The following SYT16 variants were observed in gnomAD, a reference collection of about 807,000 sequenced individuals.
The protein encoded by SYT16 is synaptotagmin-16.
In SYT16, 42 loss-of-function variants were observed where a neutral mutation model predicts 61.4. That is an observed-to-expected ratio of 0.68 (90% CI 0.53 to 0.89). The LOEUF is 0.89. SYT16 is among the 40% of genes least tolerant of loss of function. The pLI, the probability that SYT16 is intolerant of heterozygous loss-of-function variation, is 0.00. For missense variants in SYT16, 804 were observed against 807.3 expected (o/e 1.00, Z 0.05); for synonymous variants, 314 against 302.3 (o/e 1.04, Z -0.40).
intron 1 of SYT16, among the ~76,000 whole-genome samples, chr14:61,861,613 C>G (rs548456925): frequency 2.6e-5 from 4 of 152,272 alleles, no homozygotes; most frequent in Admixed American, 2.6e-4. Context: ...GCATGTTGCC[C>G]AGGCTGGTCT....
intron 1 of SYT16, among the ~76,000 whole-genome samples, chr14:61,864,620 C>T (rs913176795): frequency 1.3e-5 from 2 of 152,262 alleles, no homozygotes; most frequent in South Asian, 2.1e-4. Flanking sequence ...CCTCGCTGCG[C>T]GGCCTCAATT....
chr14:61,951,488 A>AT, intron 1 of SYT16, among the ~76,000 whole-genome samples: 1 of 151,908 alleles, frequency 6.6e-6, no homozygotes, highest in Non-Finnish European at 1.5e-5. Context: ...GAGTTGAAAA[A>AT]TAAAGTTACA....
intron 3 of SYT16, among the ~76,000 whole-genome samples, chr14:62,066,381 A>G (rs568853344): frequency 1.3e-5 from 2 of 152,176 alleles, no homozygotes; most frequent in East Asian, 1.9e-4. Flanking sequence ...TCTCTGCCTC[A>G]GTTTTCTTGG....
intron 1 of SYT16, among the ~76,000 whole-genome samples, chr14:61,951,583 C>G (rs1328297396): frequency 6.6e-6 from 1 of 151,958 alleles, no homozygotes; most frequent in Non-Finnish European, 1.5e-5. Flanking sequence ...GTCTTTCTTC[C>G]AAGATTTTTT....
chr14:61,884,692 A>G (rs1228429605), intron 1 of SYT16, among the ~76,000 whole-genome samples: 3 of 152,214 alleles, frequency 2.0e-5, no homozygotes, highest in Non-Finnish European at 4.4e-5. Context: ...GGACAAGATT[A>G]ATAGGTGGGT....
At position 62,054,117 on chromosome 14, in the gene SYT16, T is replaced by C. The variant is rs955780660; in HGVS notation, c.524-15486T>C. Among the ~76,000 whole-genome samples the C allele has an allele frequency of 3.3e-5, 5 of 152,326 alleles. No individual in the cohort carries two copies. In the South Asian group the frequency reaches 1.0e-3, roughly 32 times the overall value. ...TATTACCTGCTTATTCTTGTCAGCA[T>C]GTGTGTGATAGCAGGCATCCACGGC... On this transcript the variant is annotated intron_variant, in intron 3 of 7. Coordinates refer to ENST00000683842, the MANE Select transcript of SYT16 (RefSeq NM_001367656.1).
intron 1 of SYT16, among the ~76,000 whole-genome samples, chr14:61,848,676 G>A (rs958033588): frequency 8.5e-5 from 13 of 152,164 alleles, no homozygotes; most frequent in African/African-American, 3.1e-4. Flanking sequence ...GAGTTTCCCT[G>A]AGCCATGGGA....
At chr14:61,829,131 GTTGTA>G (rs2045859444) in intron 1 of SYT16, among the ~76,000 whole-genome samples, 1 of 152,114 alleles carries the variant, frequency 6.6e-6, no homozygotes, top group South Asian at 2.1e-4. Context: ...ACTATTTAGT[GTTGTA>G]TTTTATGAGT....
At chr14:61,920,286 G>A (rs905644525) in intron 1 of SYT16, among the ~76,000 whole-genome samples, 1 of 152,008 alleles carries the variant, frequency 6.6e-6, no homozygotes, top group Non-Finnish European at 1.5e-5. Context: ...TAAGTCTTGG[G>A]ATACATGTGC....
At chr14:62,053,584 T>A (rs1020264912) in intron 3 of SYT16, among the ~76,000 whole-genome samples, 1 of 152,256 alleles carries the variant, frequency 6.6e-6, no homozygotes, top group East Asian at 1.9e-4. Flanking sequence ...ATTGTACTAA[T>A]TTTTAAATTC....
intron 1 of SYT16, among the ~76,000 whole-genome samples, chr14:61,866,902 G>T (rs916489478): frequency 6.6e-6 from 1 of 151,866 alleles, no homozygotes; most frequent in Non-Finnish European, 1.5e-5. Flanking sequence ...GTTACATTTA[G>T]ATCTGTGATG....
intron 3 of SYT16, among the ~76,000 whole-genome samples, chr14:62,027,683 C>G (rs1407728897): frequency 6.6e-6 from 1 of 152,142 alleles, no homozygotes; most frequent in Non-Finnish European, 1.5e-5. Context: ...GCACCAAGAC[C>G]TTGCATGTTT....
chr14:61,991,731 C>T (rs999012593), intron 2 of SYT16, among the ~76,000 whole-genome samples: 1 of 152,018 alleles, frequency 6.6e-6, no homozygotes, highest in African/African-American at 2.4e-5. Context: ...TGGTTATTGA[C>T]AAAAAAGTAC....
At chr14:62,073,383 G>A (rs1816116874) in intron 4 of SYT16, among the ~76,000 whole-genome samples, 1 of 152,192 alleles carries the variant, frequency 6.6e-6, no homozygotes. Context: ...GTTCGCATAT[G>A]TGAGGAATGG....
chr14:62,083,583 C>T (rs1276099476), intron 6 of SYT16, among the ~76,000 whole-genome samples: 1 of 152,056 alleles, frequency 6.6e-6, no homozygotes, highest in Non-Finnish European at 1.5e-5. Context: ...CATGTGTTGT[C>T]TTTTTTCTCA....
chr14:61,888,104 T>C (rs954869523), intron 1 of SYT16, among the ~76,000 whole-genome samples: 1 of 151,622 alleles, frequency 6.6e-6, no homozygotes, highest in Non-Finnish European at 1.5e-5. Flanking sequence ...GGTTATTAAT[T>C]GGCCTAATTT....
chr14:61,911,328 C>A (rs912748930), intron 1 of SYT16, among the ~76,000 whole-genome samples: 2 of 152,132 alleles, frequency 1.3e-5, no homozygotes, highest in African/African-American at 4.8e-5. Flanking sequence ...TAATGTTTGG[C>A]CCTGATTTAG....
chr14:62,024,836 G>T (rs1006308599), intron 3 of SYT16, among the ~76,000 whole-genome samples: 1 of 151,860 alleles, frequency 6.6e-6, no homozygotes, highest in Admixed American at 6.6e-5. Context: ...TCTTTTTACT[G>T]TTTCTATAAT....
At chr14:62,047,523 T>C (rs1264522409) in intron 3 of SYT16, among the ~76,000 whole-genome samples, 1 of 151,880 alleles carries the variant, frequency 6.6e-6, no homozygotes, top group Admixed American at 6.6e-5. Flanking sequence ...TGAATAGGAG[T>C]GGTGAGAGAG....
Sources: gnomAD v4.1 joint callset for allele counts (sites outside exome capture counted in the v4.1 genomes callset) on GRCh38, gnomAD v4.1.1 for gene constraint, MANE v1.5 for transcripts, NCBI Gene and HGNC (gene_info 2026-07-23, HGNC 2026-07-21) for gene names.